Variants in FKTN observed in about 807,000 individuals in gnomAD.
FKTN encodes the protein fukutin, also known as ribitol-5-phosphate transferase FKTN.
A neutral mutation model predicts 58.6 loss-of-function variants in FKTN; 47 were observed. That is an observed-to-expected ratio of 0.80 (90% CI 0.63 to 1.02). FKTN has a LOEUF of 1.02. Among genes scored for constraint, FKTN ranks in the 50% least tolerant of loss-of-function variants. The pLI is 0.00. For synonymous variants in FKTN, 178 were observed against 191.9 expected (o/e 0.93, Z 0.60); for missense variants, 516 against 537.3 (o/e 0.96, Z 0.39).
chr9:105,593,432 T>C (rs1845264973), intron 3 of FKTN, among the ~76,000 whole-genome samples: 2 of 152,166 alleles, frequency 1.3e-5, no homozygotes, highest in Admixed American at 1.3e-4. Flanking sequence ...GGGGCACAGA[T>C]CCAAAGCACA....
At chr9:105,629,518 A>T (rs2133368507) in intron 10 of FKTN, among the ~76,000 whole-genome samples, 1 of 152,332 alleles carries the variant, frequency 6.6e-6, no homozygotes, top group Non-Finnish European at 1.5e-5. Context: ...GAAGGAAAGC[A>T]AGCACAACTG....
intron 1 of FKTN, among the ~76,000 whole-genome samples, chr9:105,560,799 A>G (rs1220635947): frequency 6.6e-6 from 1 of 152,110 alleles, no homozygotes; most frequent in Non-Finnish European, 1.5e-5. Context: ...ACTTAAAAAT[A>G]ATTTGGGGGC....
intron 1 of FKTN, among the ~76,000 whole-genome samples, chr9:105,567,871 A>G (rs6477449): frequency 0.71 from 107,746 of 152,040 alleles, 38,882 homozygotes; most frequent in African/African-American, 0.85. Flanking sequence ...TGGAGGCATC[A>G]CGCTACCTGA....
chr9:105,582,029 G>T (rs892501064), intron 3 of FKTN, among the ~76,000 whole-genome samples: 31 of 152,130 alleles, frequency 2.0e-4, no homozygotes, highest in East Asian at 3.9e-4. Flanking sequence ...TTCGGCTCGC[G>T]CACGGTGCGC....
At chr9:105,581,580 C>T (rs1306442983) in intron 3 of FKTN, among the ~76,000 whole-genome samples, 1 of 152,022 alleles carries the variant, frequency 6.6e-6, no homozygotes, top group Non-Finnish European at 1.5e-5. Flanking sequence ...AGCTGTCAGA[C>T]AGGGACATTG....
In FKTN at chr9:105,636,556, T is replaced by G; in HGVS notation, c.*1292T>G. 9.5e-7 allele frequency: 1 copy of G among 1,047,440 alleles called. No homozygotes were observed. The highest frequency in any genetic ancestry group is 3.1e-5 in the South Asian group (1 of 32,464). The allele number at this position is 1,047,440 out of a possible 1,614,324, so 64.9% of individuals were successfully genotyped here. On this transcript the variant is annotated 3_prime_UTR_variant, in exon 11 of 11. Transcript: ENST00000357998. ...TCCTTTTCCCCTCAAGATGTCTGAG[T>G]CAGCTAGGATGCTGTTTACCCCATC...
chr9:105,570,596 T>C (rs1464708404), intron 1 of FKTN, among the ~76,000 whole-genome samples: 2 of 152,192 alleles, frequency 1.3e-5, no homozygotes, highest in Non-Finnish European at 2.9e-5. Context: ...CCACTATCAC[T>C]ACTGCCCTTC....
chr9:105,636,745 T>G lies in FKTN; in HGVS notation c.*1481T>G. The stretch of plus-strand genomic sequence containing the variant: ...TTCTGGAGCTTGGCAGATTTTCCTC[T>G]GACACCAGAGAACAATAGTAGTCTC... On this transcript the variant is annotated 3_prime_UTR_variant, in exon 11 of 11. Coordinates refer to ENST00000357998, the MANE Select transcript of FKTN (RefSeq NM_001079802.2). 7.7e-7 allele frequency: 1 copy of G among 1,295,658 alleles called. No individual in the cohort carries two copies. Among genetic ancestry groups the G allele is most frequent in the South Asian group, 1.3e-5 (1 of 79,610 alleles). 80.3% of individuals were successfully genotyped at this position (1,295,658 alleles called of 1,614,324 possible). A position where few individuals can be genotyped will look rare whatever the true frequency, so the allele number is the denominator to read the frequency against.
At chr9:105,565,311 A>G (rs1589193780) in intron 1 of FKTN, among the ~76,000 whole-genome samples, 2 of 152,312 alleles carry the variant, frequency 1.3e-5, no homozygotes, top group South Asian at 2.1e-4. Flanking sequence ...TTAACCTTAA[A>G]TGTAAATGGG....
chr9:105,635,322 A>T lies in FKTN; in HGVS notation c.*58A>T. 6 of 1,611,616 alleles carry T rather than the reference A, an allele frequency of 3.7e-6. No individual in the cohort carries two copies. Among genetic ancestry groups the T allele is most frequent in the Non-Finnish European group, 5.1e-6 (6 of 1,178,780 alleles). ...TGGAAAAAAAGGTAGATAACTGTTT[A>T]AAAAATACATGTCTATTTGTCAAAC... On this transcript the variant is annotated 3_prime_UTR_variant, in exon 11 of 11. Transcript: ENST00000357998.
Position 105,639,008 on chromosome 9 carries a change from T to G in FKTN, c.*3744T>G. ...CTAAAATCTCACCCAAACTTATGGC[T>G]ACATATTTTTCTAAGTTTCCCCCCT... is the stretch of plus-strand genomic sequence containing the variant. On this transcript the variant is annotated 3_prime_UTR_variant, in exon 11 of 11. Transcript: ENST00000357998. 1.0e-6 allele frequency: 1 copy of G among 985,346 alleles called. No individual in the cohort carries two copies. The highest frequency in any genetic ancestry group is 1.7e-5 in the African/African-American group (1 of 57,364). 61.0% of individuals were successfully genotyped at this position (985,346 alleles called of 1,614,324 possible). A position where few individuals can be genotyped will look rare whatever the true frequency, so the allele number is the denominator to read the frequency against.
chr9:105,583,247 T>G (rs1843345953), intron 3 of FKTN, among the ~76,000 whole-genome samples: 1 of 152,220 alleles, frequency 6.6e-6, no homozygotes, highest in Admixed American at 6.5e-5. Flanking sequence ...CAACATTTAA[T>G]TCTTAAAACA....
chr9:105,566,681 A>C, intron 1 of FKTN, among the ~76,000 whole-genome samples: 1 of 152,180 alleles, frequency 6.6e-6, no homozygotes, highest in Non-Finnish European at 1.5e-5. Flanking sequence ...AAAGTCCAGG[A>C]CCAGATGGAT....
chr9:105,630,404 G>C (rs1279736356), intron 10 of FKTN, among the ~76,000 whole-genome samples: 1 of 152,006 alleles, frequency 6.6e-6, no homozygotes, highest in Non-Finnish European at 1.5e-5. Context: ...ATATTCATTC[G>C]AGACAGTGAA....
chr9:105,640,540 A>G lies in FKTN; in HGVS notation c.*5276A>G, dbSNP rs902552104. The G allele has an allele frequency of 2.6e-5, 4 of 154,968 alleles. No individual in the cohort carries two copies. Among genetic ancestry groups the G allele is most frequent in the African/African-American group, 7.2e-5 (3 of 41,456 alleles). 9.6% of individuals were successfully genotyped at this position (154,968 alleles called of 1,614,324 possible). Reference sequence around the variant, plus strand: ...TGCACTTCAGCCTGGGCGATAGAGCAAGACTCTGTCTCAGAAAAAAAAAAA... The same window carrying G: ...TGCACTTCAGCCTGGGCGATAGAGCGAGACTCTGTCTCAGAAAAAAAAAAA... On this transcript the variant is annotated 3_prime_UTR_variant, in exon 11 of 11. Coordinates refer to ENST00000357998, the MANE Select transcript of FKTN (RefSeq NM_001079802.2).
chr9:105,569,600 G>C (rs942237464), intron 1 of FKTN, among the ~76,000 whole-genome samples: 1 of 152,152 alleles, frequency 6.6e-6, no homozygotes, highest in Non-Finnish European at 1.5e-5. Flanking sequence ...GATTTAGTTG[G>C]TAAGCAGATC....
At position 105,618,057 on chromosome 9, in the gene FKTN, G is replaced by T. The variant is rs752721354; in HGVS notation, c.1009G>T (p.Asp337Tyr). ...ATCTGATATTATTTTAGCATTTCAG[G>T]ATGCAGGACTTCCGCTCAAACACAA... is the stretch of plus-strand genomic sequence containing the variant. Reference protein sequence around the residue: ...YKSDIILAFQDAGLPLKHKFG... With the variant: ...YKSDIILAFQYAGLPLKHKFG... The change falls in exon 9 of 11, where the codon GAT (aspartate) becomes TAT (tyrosine). Residue 337 changes from aspartate to tyrosine, a missense_variant. By Grantham distance (160) the Asp-to-Tyr change is radical (BLOSUM62 -3). Transcript: ENST00000357998. 2 of 1,611,816 alleles carry T rather than the reference G, an allele frequency of 1.2e-6. No homozygotes were observed. The highest frequency in any genetic ancestry group is 3.3e-5 in the Admixed American group (2 of 59,996).
chr9:105,630,312 G>C (rs1364085352), intron 10 of FKTN, among the ~76,000 whole-genome samples: 1 of 152,102 alleles, frequency 6.6e-6, no homozygotes, highest in Non-Finnish European at 1.5e-5. Context: ...CAATAAATGT[G>C]ATCATTAGTT....
intron 3 of FKTN, among the ~76,000 whole-genome samples, chr9:105,585,520 G>A (rs182095695): frequency 1.4e-4 from 21 of 152,310 alleles, no homozygotes; most frequent in Non-Finnish European, 2.6e-4. Flanking sequence ...TTATTTCAGT[G>A]TCATTGTGGA....
Sources: gnomAD v4.1 joint callset for allele counts (sites outside exome capture counted in the v4.1 genomes callset) on GRCh38, gnomAD v4.1.1 for gene constraint, MANE v1.5 for transcripts, NCBI Gene and HGNC (gene_info 2026-07-23, HGNC 2026-07-21) for gene names.